The following AGBL1 variants were observed in gnomAD, a reference collection of about 807,000 sequenced individuals.
AGBL1 encodes the protein cytosolic carboxypeptidase 4.
A neutral mutation model predicts 118.9 loss-of-function variants in AGBL1; 130 were observed. The observed-to-expected ratio is 1.09, with a 90% CI of 0.95 to 1.26. The LOEUF is 1.26. Among genes scored for constraint, AGBL1 ranks in the 50% most tolerant of loss-of-function variants. AGBL1 has a pLI of 0.00. For missense variants in AGBL1, 1,584 were observed against 1,298.1 expected, an observed-to-expected ratio of 1.22 and a Z score of -3.38; for synonymous variants, 555 against 478.9, an observed-to-expected ratio of 1.16 and a Z score of -2.08.
intron 18 of AGBL1, among the ~76,000 whole-genome samples, chr15:86,418,703 G>A (rs1298951611): frequency 2.0e-5 from 3 of 152,200 alleles, no homozygotes; most frequent in Non-Finnish European, 4.4e-5. Flanking sequence ...GAAGAGTGAA[G>A]AGGAGACCCC....
chr15:86,376,554 C>A (rs2081043202), intron 17 of AGBL1, among the ~76,000 whole-genome samples: 1 of 152,214 alleles, frequency 6.6e-6, no homozygotes, highest in African/African-American at 2.4e-5. Context: ...TGTGTGATAA[C>A]AGGTGTAAAG....
intron 22 of AGBL1, among the ~76,000 whole-genome samples, chr15:86,681,138 T>C (rs1596364353): frequency 1.3e-5 from 2 of 152,198 alleles, no homozygotes; most frequent in East Asian, 3.9e-4. Flanking sequence ...CCTCTGTATC[T>C]GTTATCTCTT....
At position 86,279,701 on chromosome 15, in the gene AGBL1, T is replaced by C; in HGVS notation, c.2138T>C (p.Leu713Pro). ...GGASGKCYYT[L>P]TFAVTFPHSE... ...GCATCTGGGAAGTGCTACTATACCC[T>C]CACCTTTGCTGTCACCTTCCCACAC... Residue 713 changes from leucine (L) to proline (P), a missense_variant, in exon 16 of 23, where the codon CTC (leucine) becomes CCC (proline). Coordinates refer to ENST00000614907, the MANE Select transcript of AGBL1 (RefSeq NM_001386094.1). The C allele has an allele frequency of 6.2e-7, 1 of 1,613,522 alleles. No homozygotes were observed. The highest frequency in any genetic ancestry group is 8.5e-7 in the Non-Finnish European group (1 of 1,179,532).
chr15:86,855,023 G>A (rs975854598), intron 22 of AGBL1, among the ~76,000 whole-genome samples: 3 of 152,270 alleles, frequency 2.0e-5, no homozygotes, highest in South Asian at 4.1e-4. Context: ...TGAGAAACTT[G>A]TCTTCTGCTC....
intron 17 of AGBL1, chr15:86,296,789 G>T (rs1351534680): frequency 6.6e-6 from 1 of 152,208 alleles, no homozygotes; most frequent in Non-Finnish European, 1.5e-5. Flanking sequence ...GTCAGCAGAT[G>T]AGCAGTGCTT....
intron 15 of AGBL1, among the ~76,000 whole-genome samples, chr15:86,277,517 G>A (rs1401326622): frequency 2.0e-5 from 3 of 152,090 alleles, no homozygotes; most frequent in African/African-American, 7.2e-5. Flanking sequence ...GCCTGAATGA[G>A]GGAAAGAACA....
chr15:86,236,892 C>T (rs898854899), intron 6 of AGBL1, among the ~76,000 whole-genome samples: 7 of 124,262 alleles, frequency 5.6e-5, no homozygotes, highest in African/African-American at 2.1e-4. Flanking sequence ...TATGCAAATA[C>T]AGGGTACCCT....
chr15:86,830,128 CT>C (rs1441937553), intron 22 of AGBL1, among the ~76,000 whole-genome samples: 5 of 151,870 alleles, frequency 3.3e-5, no homozygotes, highest in Non-Finnish European at 7.4e-5. Flanking sequence ...ATTTTTAAAT[CT>C]TTTTTTGAGG....
chr15:86,143,882 G>A (rs768741754), intron 3 of AGBL1, 37 bp downstream of exon 3: 3 of 1,605,880 alleles, frequency 1.9e-6, no homozygotes, highest in Admixed American at 1.7e-5. Context: ...GACTGAAAAG[G>A]CACTTCTAGG....
At chr15:86,190,567 A>G (rs1371749541) in intron 5 of AGBL1, among the ~76,000 whole-genome samples, 2 of 152,152 alleles carry the variant, frequency 1.3e-5, no homozygotes, top group East Asian at 3.8e-4. Flanking sequence ...AGGTAAATGC[A>G]TCATAACCAG....
chr15:86,339,028 G>A (rs8030344), intron 17 of AGBL1, among the ~76,000 whole-genome samples: 121,898 of 152,126 alleles, frequency 0.8, 49,864 homozygotes, highest in African/African-American at 0.91. Flanking sequence ...CTTTTTATGC[G>A]TTAATATGAT....
At chr15:86,516,222 TC>T (rs1316302853) in intron 18 of AGBL1, among the ~76,000 whole-genome samples, 50 of 152,322 alleles carry the variant, frequency 3.3e-4, no homozygotes, top group Admixed American at 7.8e-4. Context: ...AGTTCCGTCA[TC>T]TTTGTCCACA....
intron 18 of AGBL1, among the ~76,000 whole-genome samples, chr15:86,487,678 C>G (rs932392539): frequency 5.3e-5 from 8 of 151,848 alleles, no homozygotes; most frequent in African/African-American, 1.7e-4. Context: ...TTAGTTTGCC[C>G]CTAAATCCCA....
intron 22 of AGBL1, among the ~76,000 whole-genome samples, chr15:86,774,473 T>C (rs2078224874): frequency 2.0e-5 from 3 of 152,114 alleles, no homozygotes; most frequent in Admixed American, 2.0e-4. Context: ...TTTTCACATA[T>C]TGGGGGCACA....
At position 86,655,504 on chromosome 15, in the gene AGBL1, C is replaced by T. The variant is rs547780206; in HGVS notation, c.2995-18769C>T. ...TTCCCGTTACTTTCTTTTCTCTTGT[C>T]TTTCCTTTTCTCTCCTCTTCTTCCC... is the stretch of plus-strand genomic sequence containing the variant. On this transcript the variant is annotated intron_variant, in intron 21 of 22. Transcript: ENST00000614907. Among the ~76,000 whole-genome samples, 3 of 152,158 alleles carry T rather than the reference C, an allele frequency of 2.0e-5. No individual in the cohort carries two copies. In the South Asian group the frequency reaches 6.2e-4, roughly 31 times the overall value.
At chr15:86,521,309 C>G (rs559214564) in intron 18 of AGBL1, among the ~76,000 whole-genome samples, 1 of 152,218 alleles carries the variant, frequency 6.6e-6, no homozygotes, top group African/African-American at 2.4e-5. Context: ...AAACAGAAAT[C>G]ATATCTGATT....
intron 19 of AGBL1, among the ~76,000 whole-genome samples, chr15:86,530,037 GA>G (rs1323531308): frequency 7.7e-6 from 1 of 129,494 alleles, no homozygotes; most frequent in Non-Finnish European, 1.5e-5. Flanking sequence ...AGACTAGGAA[GA>G]AACTGCATCA....
At chr15:86,305,816 A>G (rs1335602706) in intron 17 of AGBL1, among the ~76,000 whole-genome samples, 1 of 152,118 alleles carries the variant, frequency 6.6e-6, no homozygotes, top group East Asian at 1.9e-4. Context: ...TGACAATTGA[A>G]GTCTGTGACT....
intron 17 of AGBL1, among the ~76,000 whole-genome samples, chr15:86,381,411 C>CTT (rs112397324): frequency 6.6e-6 from 1 of 151,292 alleles, no homozygotes; most frequent in Admixed American, 6.6e-5. Flanking sequence ...AGCTGATACA[C>CTT]TTTTTTTTTC....
Sources: allele counts gnomAD v4.1 joint callset (sites outside exome capture counted in the v4.1 genomes callset), GRCh38; gene constraint gnomAD v4.1.1; transcripts MANE v1.5; gene names NCBI Gene and HGNC (gene_info 2026-07-23, HGNC 2026-07-21).